Variants in PPIE observed in about 807,000 individuals in gnomAD.
PPIE encodes the protein peptidylprolyl isomerase E.
Under a neutral mutation model 38.4 loss-of-function variants are expected in PPIE, and 20 were observed. The observed-to-expected ratio is 0.52, with a 90% CI of 0.37 to 0.76. PPIE has a LOEUF of 0.76. Ranked by LOEUF, PPIE falls within the 30% of genes least tolerant of loss-of-function variation. The pLI, the probability that PPIE is intolerant of heterozygous loss-of-function variation, is 0.00. For synonymous variants in PPIE, 142 were observed against 135.7 expected, an observed-to-expected ratio of 1.05 and a Z score of -0.32; for missense variants, 322 against 385.8, an observed-to-expected ratio of 0.83 and a Z score of 1.39.
At position 39,738,941 on chromosome 1, in the gene PPIE, A is replaced by C. The variant is rs756366999; in HGVS notation, c.31+10A>C. Reference sequence around the variant, plus strand: ...CGCGTCTTGTACGTGGGTGAGCAGGAGGGGTTGCTAGGCGGAGTCTGAGTG... The same window carrying C: ...CGCGTCTTGTACGTGGGTGAGCAGGCGGGGTTGCTAGGCGGAGTCTGAGTG... On this transcript the variant is annotated intron_variant, in intron 1 of 9. Coordinates refer to ENST00000324379, the MANE Select transcript of PPIE (RefSeq NM_006112.4). 6.8e-7 allele frequency: 1 copy of C among 1,470,858 alleles called. No individual in the cohort carries two copies. The highest frequency in any genetic ancestry group is 2.6e-5 in the Admixed American group (1 of 38,550). The allele number at this position is 1,470,858 out of a possible 1,614,324, so 91.1% of individuals were successfully genotyped here.
downstream of PPIE, chr1:39,757,394 C>A (rs145930147): frequency 3.3e-5 from 5 of 152,368 alleles, no homozygotes; most frequent in African/African-American, 1.2e-4. Context: ...GGATTCAAAT[C>A]TATTTGGCAC....
chr1:39,749,882 C>G (rs1252210495), intron 8 of PPIE, among the ~76,000 whole-genome samples: 2 of 152,128 alleles, frequency 1.3e-5, no homozygotes, highest in Non-Finnish European at 2.9e-5. Context: ...TCCTGTAATC[C>G]CAGCATTTTG....
intron 8 of PPIE, 73 bp downstream of exon 8, chr1:39,749,161 AG>A (rs1456294723): frequency 6.9e-7 from 1 of 1,459,468 alleles, no homozygotes; most frequent in Non-Finnish European, 9.3e-7. Context: ...ATGGAAGGAC[AG>A]GTTGTAGTTC....
chr1:39,744,857 A>G (rs1557446193), intron 6 of PPIE, among the ~76,000 whole-genome samples: 1 of 152,158 alleles, frequency 6.6e-6, no homozygotes, highest in Non-Finnish European at 1.5e-5. Context: ...GCACAATGCA[A>G]GGCCCAACAT....
At chr1:39,742,620 C>T (rs1040994308) in intron 4 of PPIE, 1 of 150,980 alleles carries the variant, frequency 6.6e-6, no homozygotes, top group Non-Finnish European at 1.5e-5. Context: ...TTTCTTTCTA[C>T]CAAGTTACAT....
chr1:39,743,441 C>T (rs149660704), intron 5 of PPIE, 144 bp downstream of exon 5: 155 of 692,404 alleles, frequency 2.2e-4, no homozygotes, highest in African/African-American at 2.1e-3. Context: ...TTGGGAAGGG[C>T]ATGCACCACC....
intron 8 of PPIE, among the ~76,000 whole-genome samples, chr1:39,752,253 C>T (rs1300865710): frequency 6.6e-6 from 1 of 152,158 alleles, no homozygotes; most frequent in African/African-American, 2.4e-5. Context: ...GCTGATGGCT[C>T]CCTGAGCTCC....
Position 39,755,367 on chromosome 1 carries a change from A to G in PPIE, c.*2012A>G, listed in dbSNP as rs1158835591. The stretch of plus-strand genomic sequence containing the variant: ...GCATTCTGCCCTACCTCTGGCTCCC[A>G]TGTGCCGACTGGACTTTGTGAGCTC... On this transcript the variant is annotated 3_prime_UTR_variant, in exon 10 of 10. Coordinates refer to ENST00000324379, the MANE Select transcript of PPIE (RefSeq NM_006112.4). The G allele has an allele frequency of 1.0e-6, 1 of 985,332 alleles. No homozygotes were observed. 61.0% of individuals were successfully genotyped at this position (985,332 alleles called of 1,614,324 possible). A position where few individuals can be genotyped will look rare whatever the true frequency, so the allele number is the denominator to read the frequency against.
At chr1:39,762,746 A>C in intron 9 of PPIE, 1 of 1,390,646 alleles carries the variant, frequency 7.2e-7, no homozygotes, top group Non-Finnish European at 9.6e-7. Flanking sequence ...TGCTAAGATC[A>C]CACAGCCCCC....
intron 6 of PPIE, among the ~76,000 whole-genome samples, chr1:39,745,070 G>A (rs1647158906): frequency 6.6e-6 from 1 of 152,200 alleles, no homozygotes; most frequent in African/African-American, 2.4e-5. Context: ...GAAAAGTGCT[G>A]TTCTGTGACT....
At chr1:39,745,251 C>T in intron 6 of PPIE, 124 bp from the exon 7 acceptor site, 1 of 1,334,982 alleles carries the variant, frequency 7.5e-7, no homozygotes, top group South Asian at 1.3e-5. Flanking sequence ...CCAAGGCCTT[C>T]CCCGTCAGCA....
rs749129226 is a variant in PPIE, at chr1:39,738,905, C to T, written c.5C>T (p.Ala2Val). 2.0e-6 allele frequency: 3 copies of T among 1,508,160 alleles called. No homozygotes were observed. The highest frequency in any genetic ancestry group is 1.8e-6 in the Non-Finnish European group (2 of 1,130,070). 93.4% of individuals were successfully genotyped at this position (1,508,160 alleles called of 1,614,324 possible). A position where few individuals can be genotyped will look rare whatever the true frequency, so the allele number is the denominator to read the frequency against. Residue 2 changes from alanine (A) to valine (V), a missense_variant, in exon 1 of 10, where the codon GCC becomes GTC. Coordinates refer to ENST00000324379, the MANE Select transcript of PPIE (RefSeq NM_006112.4). ...GCGGAAAAGCGCGCGAGCAAGATGGCCACCACCAAGCGCGTCTTGTACGTG... is the reference window on the plus strand; with the variant it reads ...GCGGAAAAGCGCGCGAGCAAGATGGTCACCACCAAGCGCGTCTTGTACGTG... M[A>V]TTKRVLYVGG...
chr1:39,743,822 A>C lies in PPIE; in HGVS notation c.284-2A>C. 6.2e-7 allele frequency: 1 copy of C among 1,609,162 alleles called. No individual in the cohort carries two copies. Among genetic ancestry groups the C allele is most frequent in the Non-Finnish European group, 8.5e-7 (1 of 1,175,996 alleles). On this transcript the variant is annotated splice_acceptor_variant, in intron 5 of 9. Transcript: ENST00000324379. LOFTEE classifies it high-confidence loss of function. Reference sequence around the variant, plus strand: ...AACATTTGTTTGATTCTTTCCTTTCAGTTTGGTCAGATGATGACTGGTTGA... The same window carrying C: ...AACATTTGTTTGATTCTTTCCTTTCCGTTTGGTCAGATGATGACTGGTTGA...
intron 4 of PPIE, chr1:39,742,189 A>C (rs889577491): frequency 5.7e-5 from 25 of 437,146 alleles, no homozygotes; most frequent in African/African-American, 4.8e-4. Context: ...ATTTGCAGAC[A>C]CAGTGCAAAT....
At chr1:39,757,016 A>G (rs1648345417), downstream of PPIE, among the ~76,000 whole-genome samples, 1 of 152,216 alleles carries the variant, frequency 6.6e-6, no homozygotes, top group Admixed American at 6.5e-5. Flanking sequence ...TCAGCAGGAC[A>G]TGGGATCCCA....
downstream of PPIE, chr1:39,759,027 C>T (rs552642408): frequency 6.6e-6 from 1 of 152,304 alleles, no homozygotes; most frequent in Non-Finnish European, 1.5e-5. Flanking sequence ...GGGGCGGGCG[C>T]AGGATCTGCT....
chr1:39,755,924 G>A lies in PPIE; in HGVS notation c.*2569G>A. The stretch of plus-strand genomic sequence containing the variant: ...AAGCCCAGCCTGTCTCTCTTCAGTA[G>A]TAATGGAGTCCTGGGAGGTTTACTA... On this transcript the variant is annotated 3_prime_UTR_variant, in exon 10 of 10. Transcript: ENST00000324379. 9.1e-6 allele frequency: 9 copies of A among 985,442 alleles called. No homozygotes were observed. The highest frequency in any genetic ancestry group is 9.6e-6 in the Non-Finnish European group (8 of 829,930). 61.0% of individuals were successfully genotyped at this position (985,442 alleles called of 1,614,324 possible).
chr1:39,743,438 G>A, intron 5 of PPIE, 141 bp downstream of exon 5: 1 of 708,654 alleles, frequency 1.4e-6, no homozygotes, highest in Non-Finnish European at 2.4e-6. Flanking sequence ...ACATTGGGAA[G>A]GGCATGCACC....
intron 1 of PPIE, 93 bp from the exon 2 acceptor site, chr1:39,740,072 T>G (rs1362765293): frequency 2.2e-6 from 2 of 894,704 alleles, no homozygotes; most frequent in Non-Finnish European, 3.7e-6. Context: ...AATGGAAGGG[T>G]CCTGTCCCCT....
Sources: allele counts gnomAD v4.1 joint callset (sites outside exome capture counted in the v4.1 genomes callset), GRCh38; gene constraint gnomAD v4.1.1; transcripts MANE v1.5; gene names NCBI Gene and HGNC (gene_info 2026-07-23, HGNC 2026-07-21).